RAPGEF6: variants seen among roughly 807,000 people sequenced by gnomAD.
The protein encoded by RAPGEF6 is Rap guanine nucleotide exchange factor 6, also known as PDZ domain containing guanine nucleotide exchange factor (GEF) 2.
Under a neutral mutation model 171.4 loss-of-function variants are expected in RAPGEF6, and 56 were observed. The observed-to-expected ratio is 0.33, with a 90% confidence interval of 0.26 to 0.41. The LOEUF (loss-of-function observed/expected upper bound fraction) is 0.41. RAPGEF6 is among the 10% of genes least tolerant of loss of function. The pLI, the probability that RAPGEF6 is intolerant of heterozygous loss-of-function variation, is 1.00. For missense variants in RAPGEF6, 1,674 were observed against 1,921.4 expected (o/e 0.87, Z 2.41); for synonymous variants, 692 against 650.1 (o/e 1.06, Z -0.98).
At chr5:131,582,865 G>A (rs1763045449) in intron 4 of RAPGEF6, among the ~76,000 whole-genome samples, 1 of 152,150 alleles carries the variant, frequency 6.6e-6, no homozygotes, top group South Asian at 2.1e-4. Flanking sequence ...TACAGCTTTG[G>A]AGAAGAGTAA....
intron 14 of RAPGEF6, 111 bp downstream of exon 14, chr5:131,492,471 T>C: frequency 9.6e-7 from 1 of 1,044,548 alleles, no homozygotes; most frequent in Non-Finnish European, 1.4e-6. Context: ...AAAAAAAGGC[T>C]CAGAAAAATA....
At chr5:131,613,056 C>A (rs1765031644) in intron 1 of RAPGEF6, among the ~76,000 whole-genome samples, 1 of 152,154 alleles carries the variant, frequency 6.6e-6, no homozygotes, top group Non-Finnish European at 1.5e-5. Flanking sequence ...ACAATTTGGA[C>A]AAATGAACAT....
In RAPGEF6 at chr5:131,446,685, G is replaced by A; in HGVS notation, c.3219C>T (p.Ser1073=). 6.2e-7 allele frequency: 1 copy of A among 1,614,014 alleles called. No individual in the cohort carries two copies. The highest frequency in any genetic ancestry group is 8.5e-7 in the Non-Finnish European group (1 of 1,179,890). The change falls in exon 22 of 28, where the codon AGC becomes AGT. Residue 1073 remains serine (S), a synonymous_variant. Transcript: ENST00000509018. The stretch of plus-strand genomic sequence containing the variant: ...GAACATCCAGCATGTTTGAATTTGT[G>A]CTTCCTTGACTCAGTGACCTATAAG... ...MFRQRSLSQG[S]TNSNMLDVQG...
At position 131,424,170 on chromosome 5, in the gene RAPGEF6, T is replaced by C. The variant is rs990194124; in HGVS notation, c.*3096A>G. ...GTGCAGTAGAATTGCTATCTGATTA[T>C]TACAGATGTGCAGTTTTGTTTCTGT... On this transcript the variant is annotated 3_prime_UTR_variant, in exon 28 of 28. Transcript: ENST00000509018. 6.6e-6 allele frequency: 1 copy of C among 152,370 alleles called. No homozygotes were observed. The highest frequency in any genetic ancestry group is 1.5e-5 in the Non-Finnish European group (1 of 68,044). 9.4% of individuals were successfully genotyped at this position (152,370 alleles called of 1,614,324 possible).
chr5:131,499,744 T>C lies in RAPGEF6; in HGVS notation c.1255-1137A>G, dbSNP rs138738593. On this transcript the variant is annotated intron_variant, in intron 11 of 27. Transcript: ENST00000509018. ...GTTAAGCCTGATATAAAAACTGTTATCCATAACACCCAACCTTCAATTTGT... is the reference window on the plus strand; with the variant it reads ...GTTAAGCCTGATATAAAAACTGTTACCCATAACACCCAACCTTCAATTTGT... Among the ~76,000 whole-genome samples, 723 of 152,244 alleles carry C rather than the reference T, an allele frequency of 4.7e-3. 5 individuals carry two copies. The highest frequency in any genetic ancestry group is 0.017 in the African/African-American group (686 of 41,536).
intron 4 of RAPGEF6, among the ~76,000 whole-genome samples, chr5:131,579,336 C>T (rs1762792069): frequency 6.6e-6 from 1 of 152,186 alleles, no homozygotes; most frequent in African/African-American, 2.4e-5. Context: ...ACAAAGTTTC[C>T]ACAGTGTGGA....
At chr5:131,447,966 T>C (rs1752829081) in intron 21 of RAPGEF6, among the ~76,000 whole-genome samples, 1 of 152,198 alleles carries the variant, frequency 6.6e-6, no homozygotes, top group Admixed American at 6.5e-5. Context: ...CATTAGTGAA[T>C]TAGTCTTTTA....
chr5:131,467,484 A>G (rs1203606903), intron 17 of RAPGEF6, among the ~76,000 whole-genome samples: 1 of 152,222 alleles, frequency 6.6e-6, no homozygotes, highest in Non-Finnish European at 1.5e-5. Context: ...TCTATTTTAG[A>G]ATTATTACGT....
At chr5:131,511,508 A>C (rs945437313) in intron 7 of RAPGEF6, among the ~76,000 whole-genome samples, 2 of 63,410 alleles carry the variant, frequency 3.2e-5, no homozygotes, top group African/African-American at 5.1e-5. Flanking sequence ...CTTTTTTTTG[A>C]GACAGGTTCT....
intron 4 of RAPGEF6, among the ~76,000 whole-genome samples, chr5:131,565,129 TCACTGTATATAAAGTGAATC>T (rs1268534963): frequency 3.3e-5 from 5 of 152,190 alleles, no homozygotes; most frequent in African/African-American, 1.2e-4. Flanking sequence ...TAAAGTGAAT[TCACTGTATATAAAGTGAATC>T]CTACAAAAAA....
intron 1 of RAPGEF6, among the ~76,000 whole-genome samples, chr5:131,630,633 C>G (rs1323558367): frequency 6.6e-6 from 1 of 152,214 alleles, no homozygotes; most frequent in Non-Finnish European, 1.5e-5. Flanking sequence ...ATCTCTCACA[C>G]ACACACTGTG....
intron 7 of RAPGEF6, among the ~76,000 whole-genome samples, chr5:131,518,923 T>C (rs1275130449): frequency 1.3e-5 from 2 of 152,222 alleles, no homozygotes; most frequent in African/African-American, 2.4e-5. Context: ...CATTGCATCA[T>C]ATTTTTTTAA....
chr5:131,604,478 C>G (rs1764430055), intron 2 of RAPGEF6, 145 bp downstream of exon 2: 1 of 865,836 alleles, frequency 1.2e-6, no homozygotes, highest in Admixed American at 3.9e-5. Flanking sequence ...AAAATATAAA[C>G]TCCAGGAAAC....
rs1757501381 is a variant in RAPGEF6 at position 131,508,341 on chromosome 5, T to A, written c.806-134A>T. 5.7e-6 allele frequency: 5 copies of A among 883,990 alleles called. No individual in the cohort carries two copies. The Admixed American group carries it at 1.6e-4, about 28-fold the overall frequency. 54.8% of individuals were successfully genotyped at this position (883,990 alleles called of 1,614,324 possible). A position where few individuals can be genotyped will look rare whatever the true frequency, so the allele number is the denominator to read the frequency against. ...TGTTGCTAAAGTAGAGAAACTAAGG[T>A]ACTATTTGACCGTTGATTTTTAAAA... is the stretch of plus-strand genomic sequence containing the variant. On this transcript the variant is annotated intron_variant, in intron 8 of 27. Coordinates refer to ENST00000509018, the MANE Select transcript of RAPGEF6 (RefSeq NM_016340.6).
intron 1 of RAPGEF6, among the ~76,000 whole-genome samples, chr5:131,617,316 A>T (rs911231328): frequency 1.6e-4 from 24 of 145,494 alleles, no homozygotes; most frequent in Non-Finnish European, 3.4e-4. Flanking sequence ...ACAAAAAAAA[A>T]CCCAATTTGG....
intron 4 of RAPGEF6, among the ~76,000 whole-genome samples, chr5:131,581,152 G>A (rs973308304): frequency 6.6e-6 from 1 of 152,180 alleles, no homozygotes; most frequent in Non-Finnish European, 1.5e-5. Flanking sequence ...AGCCGCAGCT[G>A]TCCTCTAGAA....
At chr5:131,441,195 C>A (rs1190978806) in intron 23 of RAPGEF6, among the ~76,000 whole-genome samples, 1 of 152,206 alleles carries the variant, frequency 6.6e-6, no homozygotes, top group African/African-American at 2.4e-5. Flanking sequence ...TAAAGCCAGT[C>A]AGCCTTCCTT....
chr5:131,499,044 C>T (rs1308804342), intron 11 of RAPGEF6, among the ~76,000 whole-genome samples: 2 of 152,154 alleles, frequency 1.3e-5, no homozygotes, highest in African/African-American at 2.4e-5. Flanking sequence ...AAAAAGAAAG[C>T]TTTTCTCCAA....
At chr5:131,599,172 C>G (rs1156676140) in intron 3 of RAPGEF6, among the ~76,000 whole-genome samples, 2 of 151,960 alleles carry the variant, frequency 1.3e-5, no homozygotes, top group Non-Finnish European at 2.9e-5. Flanking sequence ...ACTAAAAATA[C>G]AAAAAGTAGC....
Sources: gnomAD v4.1 joint callset for allele counts (sites outside exome capture counted in the v4.1 genomes callset) on GRCh38, gnomAD v4.1.1 for gene constraint, MANE v1.5 for transcripts, NCBI Gene and HGNC (gene_info 2026-07-23, HGNC 2026-07-21) for gene names.